PBX1: variants seen among roughly 807,000 people sequenced by gnomAD.
PBX1 encodes the protein pre-B-cell leukemia transcription factor 1.
Under a neutral mutation model 53.4 loss-of-function variants are expected in PBX1, and 6 were observed. The observed-to-expected ratio is 0.11, with a 90% CI of 0.06 to 0.22. PBX1 has a LOEUF of 0.22. Ranked by LOEUF, PBX1 falls within the 10% of genes least tolerant of loss-of-function variation. PBX1 has a pLI of 1.00. For synonymous variants in PBX1, 204 were observed against 212.3 expected (o/e 0.96, Z 0.34); for missense variants, 251 against 551.4 (o/e 0.46, Z 5.46).
At chr1:164,708,802 A>G (rs1663592138) in intron 2 of PBX1, among the ~76,000 whole-genome samples, 1 of 152,256 alleles carries the variant, frequency 6.6e-6, no homozygotes, top group African/African-American at 2.4e-5. Flanking sequence ...CTAAAGAAGT[A>G]ACCAAGACAA....
rs111776897 is a variant in PBX1, at chr1:164,618,068, A to G, written c.265+54757A>G. Among the ~76,000 whole-genome samples, 905 of 152,276 alleles carry G rather than the reference A, an allele frequency of 5.9e-3. 10 individuals are homozygous for G. Among genetic ancestry groups the G allele is most frequent in the African/African-American group, 0.021 (858 of 41,560 alleles). ...AGCATTTGCAAAGAGCAGAGATCATAATGCTTAATTCTTTTCTAGAAAGCG... is the reference window on the plus strand; with the variant it reads ...AGCATTTGCAAAGAGCAGAGATCATGATGCTTAATTCTTTTCTAGAAAGCG... On this transcript the variant is annotated intron_variant, in intron 2 of 8. Transcript: ENST00000420696.
chr1:164,583,319 T>G (rs1306874594), intron 2 of PBX1, among the ~76,000 whole-genome samples: 2 of 152,124 alleles, frequency 1.3e-5, no homozygotes, highest in Non-Finnish European at 1.5e-5. Context: ...ATGTGAGAGT[T>G]TTCTGAGAGG....
chr1:164,760,987 C>G lies in PBX1; in HGVS notation c.266-31507C>G, dbSNP rs1666782513. 2.6e-5 allele frequency among the ~76,000 whole-genome samples: 4 copies of G among 152,150 alleles called. No individual in the cohort carries two copies. In the South Asian group the frequency reaches 8.3e-4, roughly 32 times the overall value. ...TTCTTTCCTCTCACTTGGAATAAGGCTGTATTCTAAAAGTATAAGCAACCT... is the reference window on the plus strand; with the variant it reads ...TTCTTTCCTCTCACTTGGAATAAGGGTGTATTCTAAAAGTATAAGCAACCT... On this transcript the variant is annotated intron_variant, in intron 2 of 8. Coordinates refer to ENST00000420696, the MANE Select transcript of PBX1 (RefSeq NM_002585.4).
chr1:164,695,281 G>A (rs2102033862), intron 2 of PBX1, among the ~76,000 whole-genome samples: 1 of 152,252 alleles, frequency 6.6e-6, no homozygotes. Context: ...TCTGTAGGAT[G>A]AAATCTAAAC....
intron 2 of PBX1, among the ~76,000 whole-genome samples, chr1:164,640,065 G>T (rs1659026476): frequency 1.3e-5 from 2 of 152,242 alleles, no homozygotes; most frequent in East Asian, 1.9e-4. Flanking sequence ...CCGCCAAGGA[G>T]TCTGAGCGTT....
At chr1:164,669,462 G>C (rs745518845) in intron 2 of PBX1, among the ~76,000 whole-genome samples, 11 of 152,212 alleles carry the variant, frequency 7.2e-5, no homozygotes, top group Admixed American at 2.0e-4. Flanking sequence ...TCTTCTAGCA[G>C]ATGTGGGTGT....
chr1:164,785,303 A>G (rs1240861789), intron 2 of PBX1, among the ~76,000 whole-genome samples: 3 of 152,210 alleles, frequency 2.0e-5, no homozygotes, highest in Non-Finnish European at 4.4e-5. Flanking sequence ...GGCATTTCAC[A>G]TCAAACAGAG....
At chr1:164,821,694 A>G (rs1670163523) in intron 8 of PBX1, 68 bp downstream of exon 8, 1 of 1,238,380 alleles carries the variant, frequency 8.1e-7, no homozygotes, top group Non-Finnish European at 1.2e-6. Flanking sequence ...TTTCAAAGCC[A>G]TAGGGCCCAG....
At chr1:164,802,622 C>G (rs1669136167) in intron 4 of PBX1, among the ~76,000 whole-genome samples, 1 of 152,148 alleles carries the variant, frequency 6.6e-6, no homozygotes, top group Admixed American at 6.5e-5. Flanking sequence ...GGTGTGTACA[C>G]CAGGGTCTAG....
chr1:164,725,638 A>C (rs2102121229), intron 2 of PBX1, among the ~76,000 whole-genome samples: 1 of 152,198 alleles, frequency 6.6e-6, no homozygotes, highest in South Asian at 2.1e-4. Flanking sequence ...CAATCCTTAA[A>C]CCATTGCATG....
At chr1:164,665,070 G>A (rs1479385311) in intron 2 of PBX1, among the ~76,000 whole-genome samples, 1 of 152,146 alleles carries the variant, frequency 6.6e-6, no homozygotes, top group African/African-American at 2.4e-5. Flanking sequence ...TTTGAATTCT[G>A]TAATAAATTC....
intron 3 of PBX1, among the ~76,000 whole-genome samples, chr1:164,794,471 G>A (rs1316638806): frequency 6.6e-6 from 1 of 152,028 alleles, no homozygotes; most frequent in Non-Finnish European, 1.5e-5. Flanking sequence ...GGAGGGTGAA[G>A]GGGAGGAAAA....
chr1:164,597,795 C>A (rs1655868865), intron 2 of PBX1, among the ~76,000 whole-genome samples: 1 of 151,968 alleles, frequency 6.6e-6, no homozygotes, highest in South Asian at 2.1e-4. Flanking sequence ...TTTAAGATGC[C>A]TTGGCCTTAA....
intron 2 of PBX1, among the ~76,000 whole-genome samples, chr1:164,709,334 C>G (rs1417545712): frequency 6.6e-6 from 1 of 152,140 alleles, no homozygotes; most frequent in East Asian, 1.9e-4. Context: ...AGGAAATCCT[C>G]TAGTCTTGTT....
chr1:164,866,853 G>A (rs954726213), intron 2 of PBX1, among the ~76,000 whole-genome samples: 1 of 152,102 alleles, frequency 6.6e-6, no homozygotes, highest in East Asian at 1.9e-4. Flanking sequence ...GACCTTGAAA[G>A]TCCCCTGGCC....
rs559405803 is a variant in PBX1 at position 164,691,727 on chromosome 1, T to A, written c.266-100767T>A. On this transcript the variant is annotated intron_variant, in intron 2 of 8. Coordinates refer to ENST00000420696, the MANE Select transcript of PBX1 (RefSeq NM_002585.4). ...TGTTGCGTCACCATAAAATAAGACT[T>A]CTTGCCTGTGAGCAGCTCAAGTTAG... Among the ~76,000 whole-genome samples, 6 of 152,272 alleles carry A rather than the reference T, an allele frequency of 3.9e-5. No homozygotes were observed. In the South Asian group the frequency reaches 1.0e-3, roughly 26 times the overall value.
intron 2 of PBX1, among the ~76,000 whole-genome samples, chr1:164,662,207 C>T (rs1305363141): frequency 6.6e-6 from 1 of 152,082 alleles, no homozygotes; most frequent in Non-Finnish European, 1.5e-5. Flanking sequence ...ACACCTGTAA[C>T]CCCAGTTACT....
chr1:164,694,988 T>A lies in PBX1; in HGVS notation c.266-97506T>A, dbSNP rs1467446131. 2.0e-5 allele frequency among the ~76,000 whole-genome samples: 3 copies of A among 152,264 alleles called. No individual in the cohort carries two copies. The East Asian group carries it at 5.8e-4, about 30-fold the overall frequency. ...GGAGACTCTTAACATGCTAACCTGCTTGCTATACCCTTATTCAAAATTCTT... is the reference window on the plus strand; with the variant it reads ...GGAGACTCTTAACATGCTAACCTGCATGCTATACCCTTATTCAAAATTCTT... On this transcript the variant is annotated intron_variant, in intron 2 of 8. Coordinates refer to ENST00000420696, the MANE Select transcript of PBX1 (RefSeq NM_002585.4).
At chr1:164,640,763 G>C (rs369791677) in intron 2 of PBX1, among the ~76,000 whole-genome samples, 5 of 151,880 alleles carry the variant, frequency 3.3e-5, no homozygotes, top group African/African-American at 1.2e-4. Flanking sequence ...TCACCATGTT[G>C]CCCAGGCTGG....
Sources: allele counts gnomAD v4.1 joint callset (sites outside exome capture counted in the v4.1 genomes callset), GRCh38; gene constraint gnomAD v4.1.1; transcripts MANE v1.5; gene names NCBI Gene and HGNC (gene_info 2026-07-23, HGNC 2026-07-21).